The following POLDIP3 variants were observed in gnomAD, a reference collection of about 807,000 sequenced individuals.
POLDIP3 encodes DNA polymerase delta interacting protein 3, also known as polymerase delta-interacting protein 3.
A neutral mutation model predicts 45.1 loss-of-function variants in POLDIP3; 14 were observed. The observed-to-expected ratio is 0.31, with a 90% CI of 0.20 to 0.49. POLDIP3 has a LOEUF of 0.49. POLDIP3 is among the 20% of genes least tolerant of loss of function. POLDIP3 has a pLI of 0.99. For synonymous variants in POLDIP3, 223 were observed against 205.2 expected, an observed-to-expected ratio of 1.09 and a Z score of -0.74; for missense variants, 511 against 538.8, an observed-to-expected ratio of 0.95 and a Z score of 0.51.
At chr22:42,605,424 C>T (rs1926662523) in intron 1 of POLDIP3, among the ~76,000 whole-genome samples, 1 of 152,234 alleles carries the variant, frequency 6.6e-6, no homozygotes, top group Admixed American at 6.5e-5. Flanking sequence ...CTGCGCCCGG[C>T]AGTTTCTGTT....
chr22:42,610,216 G>C (rs979096465), intron 1 of POLDIP3, among the ~76,000 whole-genome samples: 37 of 152,252 alleles, frequency 2.4e-4, no homozygotes, highest in African/African-American at 8.4e-4. Context: ...CCTTACCCAA[G>C]AGTCTTGTGC....
chr22:42,610,132 C>A (rs558751715), intron 1 of POLDIP3, among the ~76,000 whole-genome samples: 1 of 152,182 alleles, frequency 6.6e-6, no homozygotes, highest in Non-Finnish European at 1.5e-5. Context: ...TGAGATCGCG[C>A]CATTGCACTC....
At chr22:42,607,753 G>A (rs925961241) in intron 1 of POLDIP3, among the ~76,000 whole-genome samples, 29 of 151,582 alleles carry the variant, frequency 1.9e-4, no homozygotes, top group Non-Finnish European at 3.4e-4. Context: ...GCCTCTGCCC[G>A]GCCGCGACCC....
rs532594007 is a variant in POLDIP3 at position 42,591,831 on chromosome 22, G to A, written c.1021+124C>T. 2.7e-5 allele frequency: 35 copies of A among 1,301,234 alleles called. No individual in the cohort carries two copies. In the East Asian group the frequency reaches 7.2e-4, roughly 27 times the overall value. The allele number at this position is 1,301,234 out of a possible 1,614,324, so 80.6% of individuals were successfully genotyped here. ...CTCAGAGACTGCACGGCAGTTCCTG[G>A]TGCAGACGAGGCCCCAGAGATGGGT... On this transcript the variant is annotated intron_variant, in intron 7 of 8. Transcript: ENST00000252115.
chr22:42,603,138 C>T lies in POLDIP3; in HGVS notation c.82G>A (p.Gly28Arg). The T allele has an allele frequency of 1.2e-6, 2 of 1,614,048 alleles. No individual in the cohort carries two copies. The highest frequency in any genetic ancestry group is 1.7e-6 in the Non-Finnish European group (2 of 1,179,962). Reference sequence around the variant, plus strand: ...ATCCCAACTCGAGATCGGACACCTCCAACTCCCGGTCTGGCATTAAGCCTG... The same window carrying T: ...ATCCCAACTCGAGATCGGACACCTCTAACTCCCGGTCTGGCATTAAGCCTG... ...KGRLNARPGV[G>R]GVRSRVGIQQ... The change falls in exon 2 of 9, where the codon GGA (glycine) becomes AGA (arginine). Residue 28 changes from glycine (G) to arginine (R), a missense_variant. Transcript: ENST00000252115.
chr22:42,601,479 T>C (rs949607999), intron 3 of POLDIP3, among the ~76,000 whole-genome samples: 33 of 152,108 alleles, frequency 2.2e-4, no homozygotes, highest in African/African-American at 7.2e-4. Flanking sequence ...AAGTTTCTTC[T>C]TGGCTGGGTG....
intron 6 of POLDIP3, among the ~76,000 whole-genome samples, chr22:42,592,510 T>C (rs186544299): frequency 6.6e-6 from 1 of 152,250 alleles, no homozygotes; most frequent in African/African-American, 2.4e-5. Flanking sequence ...CTGGTTTGGC[T>C]GGACTGAAGG....
intron 1 of POLDIP3, among the ~76,000 whole-genome samples, chr22:42,607,364 C>T (rs920661758): frequency 9.9e-5 from 15 of 152,270 alleles, no homozygotes; most frequent in Non-Finnish European, 1.9e-4. Flanking sequence ...CTGCCTGCCT[C>T]GGCCTCCCGA....
chr22:42,608,664 G>A (rs903058847), intron 1 of POLDIP3, among the ~76,000 whole-genome samples: 1 of 152,106 alleles, frequency 6.6e-6, no homozygotes, highest in Non-Finnish European at 1.5e-5. Flanking sequence ...GCAGCGAGGC[G>A]AGCGGGTGGT....
rs1925254551 is a variant in POLDIP3, at chr22:42,585,599, G to A, written c.*192C>T. ...GAAACATACTACAGGAAACGTTAACGTAGAGAGAAGAGCACAGGGCAGAAC... is the reference window on the plus strand; with the variant it reads ...GAAACATACTACAGGAAACGTTAACATAGAGAGAAGAGCACAGGGCAGAAC... On this transcript the variant is annotated 3_prime_UTR_variant, in exon 9 of 9. Coordinates refer to ENST00000252115, the MANE Select transcript of POLDIP3 (RefSeq NM_032311.5). The A allele has an allele frequency of 1.6e-6, 1 of 641,802 alleles. No individual in the cohort carries two copies. The allele number at this position is 641,802 out of a possible 1,614,324, so 39.8% of individuals were successfully genotyped here.
intron 6 of POLDIP3, 53 bp downstream of exon 6, chr22:42,595,484 T>C (rs2146811168): frequency 6.5e-7 from 1 of 1,545,890 alleles, no homozygotes. Context: ...TTAAGAGACC[T>C]TTGCCACAGA....
At chr22:42,587,966 T>A (rs1925418261) in intron 7 of POLDIP3, among the ~76,000 whole-genome samples, 1 of 152,148 alleles carries the variant, frequency 6.6e-6, no homozygotes, top group Non-Finnish European at 1.5e-5. Flanking sequence ...GATGAAGCAC[T>A]AGGAAGACCA....
intron 1 of POLDIP3, among the ~76,000 whole-genome samples, chr22:42,613,165 T>C (rs913412105): frequency 3.3e-5 from 5 of 152,208 alleles, no homozygotes; most frequent in African/African-American, 1.2e-4. Flanking sequence ...GATCATTCTG[T>C]CGTTTCCAAA....
At chr22:42,603,836 T>C (rs1483017631) in intron 1 of POLDIP3, 1 of 152,294 alleles carries the variant, frequency 6.6e-6, no homozygotes, top group Non-Finnish European at 1.5e-5. Context: ...GGGTACAGGG[T>C]TCGCTATTTG....
chr22:42,591,108 T>TA (rs975658452), intron 7 of POLDIP3, among the ~76,000 whole-genome samples: 13 of 147,472 alleles, frequency 8.8e-5, no homozygotes, highest in Non-Finnish European at 1.7e-4. Context: ...AAAATAAAAA[T>TA]AAAAAAAAGA....
chr22:42,604,593 T>C (rs534378553), intron 1 of POLDIP3, among the ~76,000 whole-genome samples: 1 of 152,256 alleles, frequency 6.6e-6, no homozygotes, highest in East Asian at 1.9e-4. Flanking sequence ...CCAGGAGGCA[T>C]CTCTCATACT....
intron 1 of POLDIP3, among the ~76,000 whole-genome samples, chr22:42,613,874 T>C (rs1437842418): frequency 6.6e-6 from 1 of 152,256 alleles, no homozygotes; most frequent in Non-Finnish European, 1.5e-5. Flanking sequence ...ACTTAATGTG[T>C]GTTGGGAAAC....
chr22:42,608,453 ACC>A (rs964086646), intron 1 of POLDIP3, among the ~76,000 whole-genome samples: 11 of 151,940 alleles, frequency 7.2e-5, no homozygotes, highest in Non-Finnish European at 1.3e-4. Flanking sequence ...ACAAAAAAAA[ACC>A]ACCACCACCA....
At chr22:42,593,353 G>A (rs1413920394) in intron 6 of POLDIP3, among the ~76,000 whole-genome samples, 1 of 152,138 alleles carries the variant, frequency 6.6e-6, no homozygotes, top group African/African-American at 2.4e-5. Flanking sequence ...GCCTATTTGG[G>A]TAGAAGAGAA....
Sources: gnomAD v4.1 joint callset for allele counts (sites outside exome capture counted in the v4.1 genomes callset) on GRCh38, gnomAD v4.1.1 for gene constraint, MANE v1.5 for transcripts, NCBI Gene and HGNC (gene_info 2026-07-23, HGNC 2026-07-21) for gene names.